TENM1: variants seen among roughly 807,000 people sequenced by gnomAD.
The protein encoded by TENM1 is teneurin-1.
TENM1 carries 35 observed loss-of-function variants against 174.8 expected under a neutral mutation model. The ratio of observed to expected loss-of-function variants is 0.20; its 90% CI spans 0.15 to 0.27. The LOEUF is 0.27. Ranked by LOEUF, TENM1 falls within the 10% of genes least tolerant of loss-of-function variation. The probability of loss-of-function intolerance (pLI) is 1.00; values close to 1 mark genes in which losing one functional copy is unlikely to be tolerated. For synonymous variants in TENM1, 781 were observed against 798.7 expected, an observed-to-expected ratio of 0.98 and a Z score of 0.37; for missense variants, 1,633 against 2,130.1, an observed-to-expected ratio of 0.77 and a Z score of 4.59.
At chrX:124,738,442 T>C (rs973145069) in intron 3 of TENM1, among the ~76,000 whole-genome samples, 3 of 112,219 alleles carry the variant, frequency 2.7e-5, no homozygotes, top group African/African-American at 9.7e-5. Flanking sequence ...GCATGACAAA[T>C]TCTTGGCTGT....
intron 23 of TENM1, among the ~76,000 whole-genome samples, chrX:124,424,456 T>C (rs932619966): frequency 5.3e-5 from 6 of 112,288 alleles, no homozygotes; most frequent in African/African-American, 1.6e-4. Context: ...TTTATATCCA[T>C]TAAGCAACCT....
Position 124,588,266 on chromosome X carries a change from C to A in TENM1, c.2078-22706G>T, listed in dbSNP as rs1166685702. Among the ~76,000 whole-genome samples the A allele has an allele frequency of 1.1e-4, 12 of 111,075 alleles. No homozygotes were observed. The East Asian group carries it at 3.1e-3, about 29-fold the overall frequency. Reference sequence around the variant, plus strand: ...CGTATGTTTATTGTGGCACTATTCACAATAGCAAAGACTTGGAACCAACCC... The same window carrying A: ...CGTATGTTTATTGTGGCACTATTCAAAATAGCAAAGACTTGGAACCAACCC... On this transcript the variant is annotated intron_variant, in intron 11 of 31. Coordinates refer to ENST00000422452, the Ensembl canonical transcript of TENM1.
the TENM1 span, among the ~76,000 whole-genome samples, chrX:124,980,454 T>A: frequency 6.6e-4 from 73 of 111,287 alleles, no homozygotes; most frequent in African/African-American, 2.2e-3. Flanking sequence ...AAACCCATTG[T>A]AAAGCTGAAA....
chrX:124,988,299 T>C, the TENM1 span, among the ~76,000 whole-genome samples: 3 of 111,933 alleles, frequency 2.7e-5, no homozygotes, highest in East Asian at 8.4e-4. Flanking sequence ...AGGAACAACT[T>C]TGTAGCAATA....
At chrX:124,740,099 T>G (rs746208812) in intron 3 of TENM1, among the ~76,000 whole-genome samples, 8 of 111,945 alleles carry the variant, frequency 7.1e-5, no homozygotes, top group Non-Finnish European at 1.5e-4. Flanking sequence ...ACAGATCTAC[T>G]GTCTAATGCC....
chrX:124,596,782 T>C (rs2049901529), intron 11 of TENM1, among the ~76,000 whole-genome samples: 1 of 111,252 alleles, frequency 9.0e-6, no homozygotes, highest in African/African-American at 3.3e-5. Context: ...TTTATTATAG[T>C]AGCAATTGAA....
chrX:124,866,394 A>G (rs1441382635), intron 3 of TENM1, among the ~76,000 whole-genome samples: 1 of 112,141 alleles, frequency 8.9e-6, no homozygotes, highest in Non-Finnish European at 1.9e-5. Flanking sequence ...ATTAAACAAT[A>G]TGTTCCTGAA....
chrX:124,536,559 T>C (rs1365762406), intron 15 of TENM1, among the ~76,000 whole-genome samples: 1 of 111,462 alleles, frequency 9.0e-6, no homozygotes, highest in Non-Finnish European at 1.9e-5. Flanking sequence ...GGGTGGCTAT[T>C]TTCCCATCTG....
chrX:124,878,503 G>T (rs1156409835), intron 3 of TENM1, among the ~76,000 whole-genome samples: 1 of 109,400 alleles, frequency 9.1e-6, no homozygotes, highest in East Asian at 2.9e-4. Flanking sequence ...CCCTCCCGGT[G>T]GTCATGAGTT....
chrX:125,154,999 G>A, the TENM1 span, among the ~76,000 whole-genome samples: 3 of 111,698 alleles, frequency 2.7e-5, no homozygotes, highest in South Asian at 3.8e-4. Flanking sequence ...GCGTGGAAGG[G>A]GACCCAAGCG....
At chrX:124,833,920 C>T (rs767744298) in intron 3 of TENM1, among the ~76,000 whole-genome samples, 1 of 110,743 alleles carries the variant, frequency 9.0e-6, no homozygotes, top group Non-Finnish European at 1.9e-5. Context: ...TAATAACTTG[C>T]TAAAGCCACA....
At chrX:125,010,640 C>A in the TENM1 span, among the ~76,000 whole-genome samples, 6 of 108,914 alleles carry the variant, frequency 5.5e-5, no homozygotes, top group South Asian at 2.1e-3. Flanking sequence ...CGATGAAACA[C>A]TGTCTCTACT....
At chrX:124,686,747 A>G (rs1359625218) in intron 5 of TENM1, among the ~76,000 whole-genome samples, 1 of 112,206 alleles carries the variant, frequency 8.9e-6, no homozygotes, top group African/African-American at 3.2e-5. Context: ...CTCTCAATAA[A>G]CTAGGTATTG....
exon 30 of TENM1, chrX:124,384,104 A>T: frequency 8.3e-7 from 1 of 1,212,027 alleles, no homozygotes. Context: ...TGCATAAAAG[A>T]ACTGAAGGTG....
intron 11 of TENM1, among the ~76,000 whole-genome samples, chrX:124,603,458 C>G (rs994662574): frequency 9.0e-6 from 1 of 111,405 alleles, no homozygotes; most frequent in African/African-American, 3.3e-5. Flanking sequence ...GTCCTCAGAA[C>G]AGCTCTATGT....
chrX:124,415,447 C>G (rs1450352931), intron 25 of TENM1, among the ~76,000 whole-genome samples: 1 of 111,379 alleles, frequency 9.0e-6, no homozygotes, highest in Non-Finnish European at 1.9e-5. Flanking sequence ...GCTACCTATT[C>G]CTCTTTTACT....
chrX:124,825,158 C>CTTTTTTT (rs745471230), intron 3 of TENM1, among the ~76,000 whole-genome samples: 2 of 61,004 alleles, frequency 3.3e-5, no homozygotes, highest in Admixed American at 2.0e-4. Flanking sequence ...AGCTGACTTT[C>CTTTTTTT]TTTTTTTTTT....
intron 1 of TENM1, among the ~76,000 whole-genome samples, chrX:124,931,544 G>T (rs2058171634): frequency 9.0e-6 from 1 of 111,280 alleles, no homozygotes; most frequent in East Asian, 2.8e-4. Context: ...GATGACTCTT[G>T]CAACCCTTAA....
rs12012726 is a variant in TENM1 at position 124,762,351 on chromosome X, T to C, written c.536-25154A>G. The stretch of plus-strand genomic sequence containing the variant: ...ATGTATTAACACTAAATAAATGTTT[T>C]CTTCAACTCATGTTTTAAAAACTTG... On this transcript the variant is annotated intron_variant, in intron 3 of 31. Transcript: ENST00000422452. Among the ~76,000 whole-genome samples, 1,064 of 112,693 alleles carry C rather than the reference T, an allele frequency of 9.4e-3. 16 individuals carry two copies. Among genetic ancestry groups the C allele is most frequent in the African/African-American group, 0.032 (1,009 of 31,068 alleles).
Sources: gnomAD v4.1 joint callset for allele counts (sites outside exome capture counted in the v4.1 genomes callset) on GRCh38, gnomAD v4.1.1 for gene constraint, MANE v1.5 for transcripts, NCBI Gene and HGNC (gene_info 2026-07-23, HGNC 2026-07-21) for gene names.